ALK: variants seen among roughly 807,000 people sequenced by gnomAD.
The protein encoded by ALK is ALK tyrosine kinase receptor.
In ALK, 74 loss-of-function variants were observed where a neutral mutation model predicts 163.1. That is an observed-to-expected ratio of 0.45 (90% CI 0.38 to 0.55). The LOEUF (loss-of-function observed/expected upper bound fraction) is 0.55. Ranked by LOEUF, ALK falls within the 20% of genes least tolerant of loss-of-function variation. The pLI, the probability that ALK is intolerant of heterozygous loss-of-function variation, is 0.00. For missense variants in ALK, 2,063 were observed against 2,105.3 expected (o/e 0.98, Z 0.39); for synonymous variants, 960 against 843.2 (o/e 1.14, Z -2.40).
intron 3 of ALK, among the ~76,000 whole-genome samples, chr2:29,533,459 C>A (rs960010967): frequency 5.3e-5 from 8 of 152,192 alleles, no homozygotes; most frequent in African/African-American, 1.9e-4. Context: ...TAAGACCATA[C>A]TCCAGATTTC....
chr2:29,725,206 A>C (rs1573585917), intron 1 of ALK, among the ~76,000 whole-genome samples: 2 of 151,920 alleles, frequency 1.3e-5, no homozygotes, highest in East Asian at 1.9e-4. Context: ...AGAATGGCTA[A>C]AGCGTGTAAA....
chr2:29,577,563 TA>T (rs1029363590), intron 3 of ALK, among the ~76,000 whole-genome samples: 16 of 152,006 alleles, frequency 1.1e-4, no homozygotes, highest in African/African-American at 3.9e-4. Context: ...AAAGGATTAG[TA>T]AAGGTAGAAA....
chr2:29,919,714 G>A (rs1043293241), intron 1 of ALK, among the ~76,000 whole-genome samples: 9 of 152,098 alleles, frequency 5.9e-5, no homozygotes, highest in Admixed American at 2.6e-4. Flanking sequence ...ATTTTGTCTC[G>A]GACAGCGTAT....
At chr2:29,507,729 G>T (rs1358778886) in intron 4 of ALK, among the ~76,000 whole-genome samples, 1 of 152,118 alleles carries the variant, frequency 6.6e-6, no homozygotes, top group African/African-American at 2.4e-5. Flanking sequence ...CAAATCTAGA[G>T]AAGCAAGAAC....
At chr2:29,347,937 A>G (rs1169490497) in intron 5 of ALK, among the ~76,000 whole-genome samples, 1 of 152,170 alleles carries the variant, frequency 6.6e-6, no homozygotes, top group East Asian at 1.9e-4. Flanking sequence ...TGCATTTTTA[A>G]TTATGCAAAT....
intron 1 of ALK, among the ~76,000 whole-genome samples, chr2:29,874,625 A>G (rs1334419712): frequency 6.6e-6 from 1 of 152,216 alleles, no homozygotes; most frequent in African/African-American, 2.4e-5. Flanking sequence ...TGCCAGGAAG[A>G]GAGAAGGAAA....
At chr2:29,776,024 T>C (rs1008203694) in intron 1 of ALK, among the ~76,000 whole-genome samples, 1 of 152,184 alleles carries the variant, frequency 6.6e-6, no homozygotes, top group African/African-American at 2.4e-5. Flanking sequence ...TTGCCACTTT[T>C]GAAGCAGCAA....
rs753570956 is a variant in ALK at position 29,251,171 on chromosome 2, T to G, written c.2138A>C (p.Glu713Ala). The G allele has an allele frequency of 1.9e-6, 3 of 1,614,082 alleles. No homozygotes were observed. The highest frequency in any genetic ancestry group is 2.5e-6 in the Non-Finnish European group (3 of 1,179,988). ...TTTCAGGGGGCCCTCGCTCCCCACC[T>G]CCACGCTCAGGTTGGAGTTCTGGTA... ...NAYQNSNLSV[E>A]VGSEGPLKGI... Residue 713 changes from glutamate to alanine, a missense_variant, in exon 12 of 29, where the codon GAG becomes GCG. Glu to Ala is a moderately radical substitution (Grantham distance 107). This residue lies in a region of ALK where 987 missense variants were observed against 939.5 expected (regional missense o/e 1.05). Coordinates refer to ENST00000389048, the MANE Select transcript of ALK (RefSeq NM_004304.5).
chr2:29,356,057 G>A (rs1204906627), intron 5 of ALK, among the ~76,000 whole-genome samples: 2 of 152,260 alleles, frequency 1.3e-5, no homozygotes, highest in East Asian at 1.9e-4. Flanking sequence ...AGAGGCACTT[G>A]TTAGACACCT....
intron 8 of ALK, among the ~76,000 whole-genome samples, chr2:29,308,657 T>C (rs1190987296): frequency 6.6e-6 from 1 of 152,238 alleles, no homozygotes; most frequent in East Asian, 1.9e-4. Flanking sequence ...TCACGTAATA[T>C]CTCAGAGCTT....
chr2:29,323,959 A>G (rs978504287), intron 6 of ALK, among the ~76,000 whole-genome samples: 4 of 152,208 alleles, frequency 2.6e-5, no homozygotes, highest in Admixed American at 6.5e-5. Context: ...CTGTAGCCTC[A>G]TCACCTATGA....
chr2:29,902,902 C>T (rs530224023), intron 1 of ALK, among the ~76,000 whole-genome samples: 18 of 152,280 alleles, frequency 1.2e-4, no homozygotes, highest in Admixed American at 5.2e-4. Flanking sequence ...GTATAATGCT[C>T]ACAGTGCTTT....
Position 29,774,848 on chromosome 2 carries a change from G to GA in ALK, c.668-57152dup, listed in dbSNP as rs775639530. 4.6e-5 allele frequency among the ~76,000 whole-genome samples: 7 copies of GA among 151,956 alleles called. No homozygotes were observed. In the South Asian group the frequency reaches 8.3e-4, roughly 18 times the overall value. ...AAATGGATGACGTAACTACTTCCAA[G>GA]AAAAAAAATTAGTAGCTGAAACAAA... is the stretch of plus-strand genomic sequence containing the variant. On this transcript the variant is annotated intron_variant, in intron 1 of 28. Coordinates refer to ENST00000389048, the MANE Select transcript of ALK (RefSeq NM_004304.5).
At chr2:29,232,798 T>C (rs1327584353) in intron 14 of ALK, among the ~76,000 whole-genome samples, 1 of 152,198 alleles carries the variant, frequency 6.6e-6, no homozygotes, top group African/African-American at 2.4e-5. Context: ...ATGCTGGTGA[T>C]TAGAAGCAGG....
chr2:29,376,647 G>A (rs1668760244), intron 5 of ALK, among the ~76,000 whole-genome samples: 1 of 152,240 alleles, frequency 6.6e-6, no homozygotes, highest in African/African-American at 2.4e-5. Flanking sequence ...GAGTGCCACT[G>A]TGATCTACAT....
At chr2:29,203,485 C>CCTTTTTTTTTTT (rs1669232066) in intron 26 of ALK, among the ~76,000 whole-genome samples, 1 of 32,544 alleles carries the variant, frequency 3.1e-5, no homozygotes, top group Non-Finnish European at 5.2e-5. Context: ...GAGGATGTGC[C>CCTTTTTTTTTTT]TTTTTTTTTT....
chr2:29,661,792 C>T (rs1677355686), intron 3 of ALK, among the ~76,000 whole-genome samples: 1 of 152,188 alleles, frequency 6.6e-6, no homozygotes, highest in Non-Finnish European at 1.5e-5. Context: ...TCATTTAGAG[C>T]TGGCATAGCA....
At chr2:29,878,433 G>A (rs1666776503) in intron 1 of ALK, among the ~76,000 whole-genome samples, 1 of 152,172 alleles carries the variant, frequency 6.6e-6, no homozygotes, top group Non-Finnish European at 1.5e-5. Context: ...TTGAGAAACT[G>A]AGGCTCACAT....
chr2:29,433,098 C>A (rs1670318826), intron 4 of ALK, among the ~76,000 whole-genome samples: 1 of 152,156 alleles, frequency 6.6e-6, no homozygotes, highest in African/African-American at 2.4e-5. Context: ...AGTGACCAGG[C>A]AAAGTTTAAC....
Sources: allele counts gnomAD v4.1 joint callset (sites outside exome capture counted in the v4.1 genomes callset), GRCh38; gene constraint gnomAD v4.1.1; regional missense constraint gnomAD v4.1.1; transcripts MANE v1.5; gene names NCBI Gene and HGNC (gene_info 2026-07-23, HGNC 2026-07-21).